PDIA5: variants seen among roughly 807,000 people sequenced by gnomAD.
PDIA5 encodes the protein protein disulfide-isomerase A5.
A neutral mutation model predicts 77.6 loss-of-function variants in PDIA5; 58 were observed. That is an observed-to-expected ratio of 0.75 (90% CI 0.61 to 0.93). PDIA5 has a LOEUF of 0.93. Ranked by LOEUF, PDIA5 falls within the 40% of genes least tolerant of loss-of-function variation. PDIA5 has a pLI of 0.00. For synonymous variants in PDIA5, 250 were observed against 252.1 expected, an observed-to-expected ratio of 0.99 and a Z score of 0.08; for missense variants, 630 against 647.7, an observed-to-expected ratio of 0.97 and a Z score of 0.30.
At chr3:123,102,861 T>A in intron 5 of PDIA5, 65 bp downstream of exon 5, 7 of 1,087,242 alleles carry the variant, frequency 6.4e-6, no homozygotes, top group Non-Finnish European at 8.6e-6. Context: ...GTCTGGCAGG[T>A]TTTCTCTCTG....
chr3:123,090,342 C>T (rs146957201), intron 2 of PDIA5, among the ~76,000 whole-genome samples: 6 of 152,210 alleles, frequency 3.9e-5, no homozygotes, highest in Non-Finnish European at 8.8e-5. Context: ...GCCCTGAAAA[C>T]GTGTGGCTTG....
intron 1 of PDIA5, among the ~76,000 whole-genome samples, chr3:123,087,613 G>C (rs1934175894): frequency 6.6e-6 from 1 of 151,606 alleles, no homozygotes; most frequent in Non-Finnish European, 1.5e-5. Context: ...TTATTTCTCT[G>C]AGAATAATAA....
intron 8 of PDIA5, among the ~76,000 whole-genome samples, chr3:123,118,592 G>A (rs2107950769): frequency 6.6e-6 from 1 of 152,284 alleles, no homozygotes; most frequent in South Asian, 2.1e-4. Context: ...CTGCCACAGA[G>A]CTCATCCCTG....
intron 14 of PDIA5, among the ~76,000 whole-genome samples, chr3:123,150,673 C>G (rs1935872469): frequency 6.6e-6 from 1 of 152,060 alleles, no homozygotes; most frequent in Non-Finnish European, 1.5e-5. Flanking sequence ...TGTCCCCTAC[C>G]TGCACACTTC....
At chr3:123,161,524 A>T in intron 16 of PDIA5, 69 bp downstream of exon 16, 1 of 1,539,232 alleles carries the variant, frequency 6.5e-7, no homozygotes, top group Non-Finnish European at 8.8e-7. Flanking sequence ...TCCACTGAGG[A>T]GGGGCAGCAC....
chr3:123,097,384 T>C (rs1934470309), intron 3 of PDIA5, among the ~76,000 whole-genome samples: 1 of 152,062 alleles, frequency 6.6e-6, no homozygotes, highest in Non-Finnish European at 1.5e-5. Context: ...AGAGAAGCCA[T>C]GTTCCTCTCT....
chr3:123,133,707 T>A (rs1247469578), intron 11 of PDIA5, among the ~76,000 whole-genome samples: 1 of 152,194 alleles, frequency 6.6e-6, no homozygotes, highest in Non-Finnish European at 1.5e-5. Context: ...ACTTTCACAT[T>A]TGGCAGGGTT....
intron 8 of PDIA5, among the ~76,000 whole-genome samples, chr3:123,120,967 C>T (rs1195125744): frequency 6.6e-6 from 1 of 152,212 alleles, no homozygotes; most frequent in Non-Finnish European, 1.5e-5. Flanking sequence ...GTCCTTTCTG[C>T]TTCGAGAGAT....
At chr3:123,123,280 T>C (rs1296024331) in intron 8 of PDIA5, among the ~76,000 whole-genome samples, 1 of 152,206 alleles carries the variant, frequency 6.6e-6, no homozygotes, top group Non-Finnish European at 1.5e-5. Flanking sequence ...GAGTCAGTCT[T>C]AGTATTTAGC....
Position 123,155,036 on chromosome 3 carries a change from C to T in PDIA5, c.1339C>T (p.Arg447Ter), listed in dbSNP as rs575928389. The change falls in exon 15 of 17, where the codon CGA (arginine) becomes TGA (stop). Residue 447 changes from arginine (R) to a stop codon, truncating the protein, a stop_gained. Transcript: ENST00000316218. LOFTEE classifies it high-confidence loss of function. Reference sequence around the variant, plus strand: ...TACTGCTGATGCCTTCAAAGATGACCGAAAGGTAAGGACAGCGCTCTTCAT... The same window carrying T: ...TACTGCTGATGCCTTCAAAGATGACTGAAAGGTAAGGACAGCGCTCTTCAT... ...TATADAFKDDRKIACAAVDCV... is the reference protein window; with the variant it reads ...TATADAFKDD The T allele has an allele frequency of 8.1e-6, 13 of 1,605,624 alleles. No homozygotes were observed. The highest frequency in any genetic ancestry group is 1.3e-5 in the African/African-American group (1 of 74,858).
In PDIA5 at chr3:123,092,487, G is replaced by T. The variant is rs531795730; in HGVS notation, c.257+45G>T. 2.2e-6 allele frequency: 3 copies of T among 1,377,652 alleles called. No homozygotes were observed. The African/African-American group carries it at 4.3e-5, about 20-fold the overall frequency. 85.3% of individuals were successfully genotyped at this position (1,377,652 alleles called of 1,614,324 possible). A position where few individuals can be genotyped will look rare whatever the true frequency, so the allele number is the denominator to read the frequency against. ...GCCATGGTGGCTGCTGGGCAGAGGG[G>T]CACTTGGGGCTTTGATTGGTGGGGA... On this transcript the variant is annotated intron_variant, in intron 3 of 16. Transcript: ENST00000316218.
intron 15 of PDIA5, among the ~76,000 whole-genome samples, chr3:123,160,643 A>G (rs2107998199): frequency 6.6e-6 from 1 of 152,314 alleles, no homozygotes; most frequent in East Asian, 1.9e-4. Context: ...CTAAGTGGGG[A>G]CAGAGCTTGT....
intron 1 of PDIA5, among the ~76,000 whole-genome samples, chr3:123,074,501 TAAC>T (rs151238118): frequency 0.1 from 15,456 of 152,232 alleles, 1,105 homozygotes; most frequent in Admixed American, 0.25. Flanking sequence ...TATCAAAATA[TAAC>T]AACAAGGTTG....
rs1933584422 is a variant in PDIA5 at position 123,067,103 on chromosome 3, C to T, written c.-62C>T. ...GGTTGGCCGCGGTGGAGCTAGCAGG[C>T]GGGCGGGCGGGAGCGGGCGCCGGAG... On this transcript the variant is annotated 5_prime_UTR_variant, in exon 1 of 17. Transcript: ENST00000316218. The T allele has an allele frequency of 2.5e-6, 3 of 1,208,230 alleles. No homozygotes were observed. Among genetic ancestry groups the T allele is most frequent in the Non-Finnish European group, 3.1e-6 (3 of 963,470 alleles). The allele number at this position is 1,208,230 out of a possible 1,614,324, so 74.8% of individuals were successfully genotyped here. A position where few individuals can be genotyped will look rare whatever the true frequency, so the allele number is the denominator to read the frequency against.
At chr3:123,098,339 C>T (rs370383631) in intron 3 of PDIA5, among the ~76,000 whole-genome samples, 1 of 152,184 alleles carries the variant, frequency 6.6e-6, no homozygotes, top group Non-Finnish European at 1.5e-5. Context: ...CCGACCCCGC[C>T]GTCTCCCAGA....
intron 7 of PDIA5, among the ~76,000 whole-genome samples, chr3:123,116,005 C>T (rs1201600980): frequency 6.6e-6 from 1 of 152,274 alleles, no homozygotes; most frequent in Non-Finnish European, 1.5e-5. Context: ...TTATGAGTGG[C>T]TGCTGGGCAG....
chr3:123,139,627 G>A (rs1401719489), intron 11 of PDIA5, among the ~76,000 whole-genome samples: 1 of 152,180 alleles, frequency 6.6e-6, no homozygotes, highest in Non-Finnish European at 1.5e-5. Context: ...ATGGTAGTGG[G>A]GAGGAGAGGA....
At chr3:123,137,542 G>C (rs191274854) in intron 11 of PDIA5, among the ~76,000 whole-genome samples, 1 of 152,170 alleles carries the variant, frequency 6.6e-6, no homozygotes, top group Admixed American at 6.5e-5. Context: ...TATATTTATT[G>C]GTCACTGATC....
chr3:123,083,041 G>A (rs1045189106), intron 1 of PDIA5, among the ~76,000 whole-genome samples: 10 of 152,178 alleles, frequency 6.6e-5, no homozygotes, highest in African/African-American at 2.4e-4. Flanking sequence ...CAAGAGCACG[G>A]CAGGGGGTCT....
Sources: gnomAD v4.1 joint callset for allele counts (sites outside exome capture counted in the v4.1 genomes callset) on GRCh38, gnomAD v4.1.1 for gene constraint, MANE v1.5 for transcripts, NCBI Gene and HGNC (gene_info 2026-07-23, HGNC 2026-07-21) for gene names.